LNP1: variants seen among roughly 807,000 people sequenced by gnomAD.
The protein encoded by LNP1 is leukemia NUP98 fusion partner 1.
LNP1 carries 12 observed loss-of-function variants against 14.5 expected under a neutral mutation model. The ratio of observed to expected loss-of-function variants is 0.83; its 90% confidence interval spans 0.53 to 1.34. The LOEUF is 1.34. Among genes scored for constraint, LNP1 ranks in the 40% most tolerant of loss-of-function variants. The pLI is 0.00. For missense variants in LNP1, 198 were observed against 210.9 expected, an observed-to-expected ratio of 0.94 and a Z score of 0.38; for synonymous variants, 75 against 71.4, an observed-to-expected ratio of 1.05 and a Z score of -0.26.
chr3:100,434,691 G>A (rs1207690939), intron 2 of LNP1, among the ~76,000 whole-genome samples: 1 of 151,802 alleles, frequency 6.6e-6, no homozygotes, highest in Non-Finnish European at 1.5e-5. Flanking sequence ...ACCATGCCTG[G>A]CTAATTTTTG....
chr3:100,450,195 A>G (rs1373883955), intron 2 of LNP1, among the ~76,000 whole-genome samples: 2 of 151,754 alleles, frequency 1.3e-5, no homozygotes, highest in Non-Finnish European at 2.9e-5. Context: ...GAGTTGATCA[A>G]ACCCAATGGG....
chr3:100,422,996 A>G (rs1482784681), intron 1 of LNP1, among the ~76,000 whole-genome samples: 2 of 152,088 alleles, frequency 1.3e-5, no homozygotes, highest in Non-Finnish European at 2.9e-5. Context: ...ACTTCACAGT[A>G]TAACTTGATA....
intron 1 of LNP1, among the ~76,000 whole-genome samples, chr3:100,411,290 C>T (rs1172850500): frequency 6.6e-6 from 1 of 152,204 alleles, no homozygotes; most frequent in Non-Finnish European, 1.5e-5. Context: ...CAGGTTCACA[C>T]CTGCAGAGAA....
At chr3:100,455,698 A>G (rs1487758998) in intron 3 of LNP1, 79 bp from the exon 4 acceptor site, 2 of 1,370,248 alleles carry the variant, frequency 1.5e-6, no homozygotes, top group South Asian at 1.2e-5. Flanking sequence ...GGCTTTCTCC[A>G]TGTCTGATTA....
At chr3:100,414,041 AAAAT>A (rs1257159014) in intron 1 of LNP1, among the ~76,000 whole-genome samples, 2 of 152,358 alleles carry the variant, frequency 1.3e-5, no homozygotes, top group East Asian at 3.9e-4. Flanking sequence ...TGCAAAAAAA[AAAAT>A]AGTTTCTGTA....
chr3:100,415,851 A>C (rs890713103), intron 1 of LNP1, among the ~76,000 whole-genome samples: 1 of 152,210 alleles, frequency 6.6e-6, no homozygotes, highest in South Asian at 2.1e-4. Context: ...CTGCTATCCA[A>C]ATCACAAATC....
At chr3:100,406,622 C>T (rs1706969378) in intron 1 of LNP1, among the ~76,000 whole-genome samples, 1 of 152,136 alleles carries the variant, frequency 6.6e-6, no homozygotes, top group Admixed American at 6.5e-5. Context: ...GCAACCTCCG[C>T]CTCCCGGGTT....
At chr3:100,428,223 G>A (rs898133341) in intron 1 of LNP1, among the ~76,000 whole-genome samples, 12 of 152,136 alleles carry the variant, frequency 7.9e-5, no homozygotes, top group Admixed American at 2.6e-4. Context: ...CCAGTCACAG[G>A]GTTGTTATAA....
At chr3:100,413,477 G>T (rs1559840063) in intron 1 of LNP1, among the ~76,000 whole-genome samples, 1 of 152,178 alleles carries the variant, frequency 6.6e-6, no homozygotes. Flanking sequence ...AGCTGTGACT[G>T]ATAGCTCATA....
Position 100,429,682 on chromosome 3 carries a change from C to G in LNP1, c.-33-15C>G. On this transcript the variant is annotated splice_polypyrimidine_tract_variant and intron_variant, in intron 1 of 3. Coordinates refer to ENST00000383693, the MANE Select transcript of LNP1 (RefSeq NM_001085451.2). Reference sequence around the variant, plus strand: ...GTCAGCCCTGTTGGGTGATATTTCCCTCTGTCGCATTTAGGGACAGGCCTT... The same window carrying G: ...GTCAGCCCTGTTGGGTGATATTTCCGTCTGTCGCATTTAGGGACAGGCCTT... The G allele has an allele frequency of 6.5e-7, 1 of 1,549,318 alleles. No individual in the cohort carries two copies. The highest frequency in any genetic ancestry group is 1.2e-5 in the South Asian group (1 of 85,764).
chr3:100,415,424 A>G (rs1287268041), intron 1 of LNP1, among the ~76,000 whole-genome samples: 4 of 152,234 alleles, frequency 2.6e-5, no homozygotes, highest in Non-Finnish European at 4.4e-5. Flanking sequence ...ACAAATTAAA[A>G]CAACAATGAA....
chr3:100,443,505 A>C (rs930820530), intron 2 of LNP1, among the ~76,000 whole-genome samples: 2 of 152,042 alleles, frequency 1.3e-5, no homozygotes, highest in African/African-American at 4.8e-5. Context: ...CTCAGATAAG[A>C]CTTTTTTAAA....
At chr3:100,429,485 A>C (rs1220903029) in intron 1 of LNP1, among the ~76,000 whole-genome samples, 1 of 152,254 alleles carries the variant, frequency 6.6e-6, no homozygotes, top group Non-Finnish European at 1.5e-5. Context: ...ATTTAAAAAG[A>C]CAAGGGGAGG....
At chr3:100,431,542 T>C (rs1339854383) in intron 2 of LNP1, among the ~76,000 whole-genome samples, 1 of 152,082 alleles carries the variant, frequency 6.6e-6, no homozygotes, top group African/African-American at 2.4e-5. Flanking sequence ...GGAGAAACAA[T>C]AAGCATAGAT....
intron 2 of LNP1, among the ~76,000 whole-genome samples, chr3:100,449,721 T>G (rs1381770051): frequency 6.6e-6 from 1 of 152,062 alleles, no homozygotes; most frequent in Non-Finnish European, 1.5e-5. Flanking sequence ...ATAACACATA[T>G]ACACACACAT....
intron 1 of LNP1, among the ~76,000 whole-genome samples, chr3:100,417,371 CTTTTTTTTTT>C (rs562000656): frequency 1.5e-4 from 10 of 64,628 alleles, no homozygotes; most frequent in South Asian, 7.0e-4. Flanking sequence ...TTTCTTTTTT[CTTTTTTTTTT>C]TTTTTTTTTT....
At chr3:100,413,969 G>A (rs1338466524) in intron 1 of LNP1, among the ~76,000 whole-genome samples, 2 of 151,996 alleles carry the variant, frequency 1.3e-5, no homozygotes, top group African/African-American at 4.8e-5. Flanking sequence ...GTGGAAGATA[G>A]CCTTAACTTC....
intron 2 of LNP1, among the ~76,000 whole-genome samples, chr3:100,433,215 T>A (rs1707258643): frequency 6.6e-6 from 1 of 152,146 alleles, no homozygotes; most frequent in Admixed American, 6.5e-5. Context: ...CTCCCTCTCC[T>A]TGCCCTCTAC....
intron 1 of LNP1, among the ~76,000 whole-genome samples, chr3:100,407,313 A>G (rs1220208886): frequency 2.6e-5 from 4 of 152,184 alleles, no homozygotes; most frequent in Non-Finnish European, 4.4e-5. Flanking sequence ...GTGACTAGGA[A>G]AGTCTTTATC....
Sources: gnomAD v4.1 joint callset for allele counts (sites outside exome capture counted in the v4.1 genomes callset) on GRCh38, gnomAD v4.1.1 for gene constraint, MANE v1.5 for transcripts, NCBI Gene and HGNC (gene_info 2026-07-23, HGNC 2026-07-21) for gene names.